Variants in GTPBP10 observed in about 807,000 individuals in gnomAD.
GTPBP10 encodes GTP binding protein 10, also known as GTP-binding protein 10.
Under a neutral mutation model 44.8 loss-of-function variants are expected in GTPBP10, and 38 were observed. The observed-to-expected ratio is 0.85, with a 90% CI of 0.65 to 1.11. GTPBP10 has a LOEUF of 1.11. GTPBP10 is among the 50% of genes most tolerant of loss of function. The probability of loss-of-function intolerance (pLI) is 0.00; values close to 1 mark genes in which losing one functional copy is unlikely to be tolerated. For synonymous variants in GTPBP10, 152 were observed against 150.6 expected (o/e 1.01, Z -0.07); for missense variants, 462 against 453.7 (o/e 1.02, Z -0.17).
intron 4 of GTPBP10, among the ~76,000 whole-genome samples, chr7:90,357,531 C>G (rs184969620): frequency 7.2e-5 from 11 of 152,012 alleles, no homozygotes; most frequent in African/African-American, 2.7e-4. Flanking sequence ...CCAGCTAATA[C>G]GCTTTTATAA....
At chr7:90,351,523 T>A (rs1164332771) in intron 1 of GTPBP10, among the ~76,000 whole-genome samples, 1 of 152,266 alleles carries the variant, frequency 6.6e-6, no homozygotes, top group Non-Finnish European at 1.5e-5. Context: ...TTTCTTAATT[T>A]TTTCAATATT....
intron 4 of GTPBP10, among the ~76,000 whole-genome samples, chr7:90,358,193 A>C (rs1293429408): frequency 6.6e-6 from 1 of 152,200 alleles, no homozygotes; most frequent in Non-Finnish European, 1.5e-5. Flanking sequence ...AATAGCTACA[A>C]AAAATAAAAT....
chr7:90,350,016 C>T (rs887248214), intron 1 of GTPBP10, among the ~76,000 whole-genome samples: 4 of 152,038 alleles, frequency 2.6e-5, no homozygotes, highest in African/African-American at 9.7e-5. Flanking sequence ...TGGTTTGCTG[C>T]ACCCATTAAC....
chr7:90,384,909 GA>G lies in GTPBP10; in HGVS notation c.926del (p.Asn309ThrfsTer2), dbSNP rs745885335. 1.3e-6 allele frequency: 2 copies of G among 1,585,898 alleles called. No individual in the cohort carries two copies. The highest frequency in any genetic ancestry group is 4.5e-5 in the East Asian group (2 of 44,218). ...QNPKDFLHLFEKNMIPERTVE... is the reference protein window; with the variant it reads ...QNPKDFLHLFXKNMIPERTVE... ...TCTTTTAGATTTTCTGCATTTATTT[GA>G]AAAAAACATGATTCCAGAGAGGACT... is the stretch of plus-strand genomic sequence containing the variant. On this transcript the variant is annotated frameshift_variant, in exon 10 of 10. Transcript: ENST00000222511. LOFTEE classifies it high-confidence loss of function.
At chr7:90,376,974 A>G (rs1414876566) in intron 6 of GTPBP10, among the ~76,000 whole-genome samples, 1 of 152,236 alleles carries the variant, frequency 6.6e-6, no homozygotes, top group African/African-American at 2.4e-5. Flanking sequence ...CTGTAATCCC[A>G]GCACTTTGGG....
chr7:90,369,038 A>T (rs1796194990), intron 4 of GTPBP10, among the ~76,000 whole-genome samples: 2 of 152,158 alleles, frequency 1.3e-5, no homozygotes, highest in South Asian at 4.1e-4. Flanking sequence ...TTTTCCTTCT[A>T]ACAGTCGGGC....
Position 90,354,927 on chromosome 7 carries a change from T to A in GTPBP10, c.320-159T>A, listed in dbSNP as rs989494687. On this transcript the variant is annotated intron_variant, in intron 3 of 9. Coordinates refer to ENST00000222511, the MANE Select transcript of GTPBP10 (RefSeq NM_033107.4). ...ATTTGTAATTGAGAATTTCCTGGCA[T>A]GTATTTTTGAAAGTAAAATATTACA... is the stretch of plus-strand genomic sequence containing the variant. Among the ~76,000 whole-genome samples the A allele has an allele frequency of 2.6e-5, 4 of 152,344 alleles. No homozygotes were observed. In the East Asian group the frequency reaches 7.7e-4, roughly 29 times the overall value.
intron 1 of GTPBP10, among the ~76,000 whole-genome samples, chr7:90,351,153 T>C (rs906170215): frequency 6.6e-6 from 1 of 152,274 alleles, no homozygotes; most frequent in East Asian, 1.9e-4. Context: ...TTCCACGATG[T>C]ACTACAGTTA....
In GTPBP10 at chr7:90,352,863, C is replaced by T. The variant is rs770392847; in HGVS notation, c.81C>T (p.Ser27=). Residue 27 remains serine, a synonymous_variant, in exon 2 of 10, where the codon TCC becomes TCT. Transcript: ENST00000222511. Reference sequence around the variant, plus strand: ...TAAGACTCTTCACCAGGGGAGGATCCGGTGGAATGGGTTATCCTCGTTTAG... The same window carrying T: ...TAAGACTCTTCACCAGGGGAGGATCTGGTGGAATGGGTTATCCTCGTTTAG... ...DKLRLFTRGG[S]GGMGYPRLGG... is the part of the protein sequence containing the mutation. 8.7e-6 allele frequency: 14 copies of T among 1,613,000 alleles called. No homozygotes were observed. Among genetic ancestry groups the T allele is most frequent in the South Asian group, 3.3e-5 (3 of 90,994 alleles).
At chr7:90,367,560 T>C (rs1253135023) in intron 4 of GTPBP10, among the ~76,000 whole-genome samples, 1 of 152,214 alleles carries the variant, frequency 6.6e-6, no homozygotes, top group Non-Finnish European at 1.5e-5. Flanking sequence ...CTTTTGATCT[T>C]TGTTGGTTTA....
rs1489627085 is a variant in GTPBP10 at position 90,389,788 on chromosome 7, C to T, written c.*4634C>T. 3 of 151,894 alleles carry T rather than the reference C, an allele frequency of 2.0e-5. No homozygotes were observed. The East Asian group carries it at 5.8e-4, about 29-fold the overall frequency. The allele number at this position is 151,894 out of a possible 1,614,324, so 9.4% of individuals were successfully genotyped here. On this transcript the variant is annotated 3_prime_UTR_variant, in exon 10 of 10. Transcript: ENST00000222511. ...CTTAAAGAGATATTTCATATCTGTTCTATTTGTTTAGTTTTATTTATTCTT... is the reference window on the plus strand; with the variant it reads ...CTTAAAGAGATATTTCATATCTGTTTTATTTGTTTAGTTTTATTTATTCTT...
chr7:90,364,185 C>T (rs1186824000), intron 4 of GTPBP10, among the ~76,000 whole-genome samples: 1 of 152,226 alleles, frequency 6.6e-6, no homozygotes, highest in Admixed American at 6.5e-5. Flanking sequence ...GGAGGAGCTG[C>T]ATTCCTTTGG....
chr7:90,384,797 G>T (rs9886362), intron 9 of GTPBP10, 95 bp from the exon 10 acceptor site: 1,227,786 of 1,269,326 alleles, frequency 0.97, 594,087 homozygotes, highest in East Asian at 1. Flanking sequence ...AAATGCTGGT[G>T]TTGGTTCCCT....
At chr7:90,354,963 C>A in intron 3 of GTPBP10, 123 bp from the exon 4 acceptor site, 1 of 545,232 alleles carries the variant, frequency 1.8e-6, no homozygotes, top group Non-Finnish European at 3.2e-6. Context: ...TTAATGATTT[C>A]ACTTACTAAT....
chr7:90,377,547 A>G lies in GTPBP10; in HGVS notation c.632A>G (p.His211Arg). ...CTTCCGGGTTTAATAGAAGGAGCAC[A>G]TATGAACAAAGGAATGGGCCACAAA... Reference protein sequence around the residue: ...ADLPGLIEGAHMNKGMGHKFL... With the variant: ...ADLPGLIEGARMNKGMGHKFL... Residue 211 changes from histidine (H) to arginine (R), a missense_variant, in exon 7 of 10, where the codon CAT becomes CGT. Transcript: ENST00000222511. The G allele has an allele frequency of 6.2e-7, 1 of 1,611,688 alleles. No individual in the cohort carries two copies. Among genetic ancestry groups the G allele is most frequent in the Non-Finnish European group, 8.5e-7 (1 of 1,178,700 alleles).
chr7:90,374,273 C>T, intron 5 of GTPBP10, 29 bp from the exon 6 acceptor site: 1 of 1,488,746 alleles, frequency 6.7e-7, no homozygotes, highest in Non-Finnish European at 9.4e-7. Context: ...TAAATTCTAG[C>T]CTTAATTTAT....
chr7:90,366,209 A>G (rs749530203), intron 4 of GTPBP10, among the ~76,000 whole-genome samples: 9 of 152,072 alleles, frequency 5.9e-5, no homozygotes, highest in Non-Finnish European at 5.9e-5. Flanking sequence ...CGTCAGGGAT[A>G]TTGGCCTAGA....
At position 90,355,088 on chromosome 7, in the gene GTPBP10, G is replaced by T. The variant is rs1201801619; in HGVS notation, c.322G>T (p.Glu108Ter). ...GTATTTCTCTCCCTCTTTTTAAGGA[G>T]AACTCAATAAAGAAAATGACAGAAT... ...VTDENGKIIG[E>*]LNKENDRILV... The change falls in exon 4 of 10, where the codon GAA (glutamate) becomes TAA (stop). Residue 108 changes from glutamate (E) to a stop codon, truncating the protein, a stop_gained and splice_region_variant. Coordinates refer to ENST00000222511, the MANE Select transcript of GTPBP10 (RefSeq NM_033107.4). LOFTEE classifies it high-confidence loss of function. 1.9e-6 allele frequency: 3 copies of T among 1,560,060 alleles called. No individual in the cohort carries two copies. Among genetic ancestry groups the T allele is most frequent in the Admixed American group, 1.8e-5 (1 of 56,974 alleles).
Position 90,383,016 on chromosome 7 carries a change from A to G in GTPBP10, c.838A>G (p.Met280Val). ...TKPALLAVNK[M>V]DLPDAQDKFH... Reference sequence around the variant, plus strand: ...ACCTGCACTCTTGGCAGTTAATAAAATGGACTTGCCAGATGCCCAAGATAA... The same window carrying G: ...ACCTGCACTCTTGGCAGTTAATAAAGTGGACTTGCCAGATGCCCAAGATAA... Residue 280 changes from methionine (M) to valine (V), a missense_variant, in exon 9 of 10, where the codon ATG becomes GTG. By Grantham distance (21) the Met-to-Val change is conservative. Coordinates refer to ENST00000222511, the MANE Select transcript of GTPBP10 (RefSeq NM_033107.4). The G allele has an allele frequency of 6.3e-7, 1 of 1,599,588 alleles. No individual in the cohort carries two copies. The highest frequency in any genetic ancestry group is 8.5e-7 in the Non-Finnish European group (1 of 1,170,480).
Sources: gnomAD v4.1 joint callset for allele counts (sites outside exome capture counted in the v4.1 genomes callset) on GRCh38, gnomAD v4.1.1 for gene constraint, MANE v1.5 for transcripts, NCBI Gene and HGNC (gene_info 2026-07-23, HGNC 2026-07-21) for gene names.